CTSS: variants seen among roughly 807,000 people sequenced by gnomAD.
The protein encoded by CTSS is cathepsin S.
A neutral mutation model predicts 39.9 loss-of-function variants in CTSS; 15 were observed. The ratio of observed to expected loss-of-function variants is 0.38; its 90% CI spans 0.25 to 0.58. CTSS has a LOEUF of 0.58. Among genes scored for constraint, CTSS ranks in the 20% least tolerant of loss-of-function variants. CTSS has a pLI of 0.70. For missense variants in CTSS, 250 were observed against 398.2 expected (o/e 0.63, Z 3.17); for synonymous variants, 126 against 138.2 (o/e 0.91, Z 0.62).
At chr1:150,733,996 A>C (rs1287558114) in intron 7 of CTSS, among the ~76,000 whole-genome samples, 1 of 151,856 alleles carries the variant, frequency 6.6e-6, no homozygotes, top group Non-Finnish European at 1.5e-5. Flanking sequence ...ATAGATATAC[A>C]GTTATCAATT....
At chr1:150,762,263 T>C (rs190051277) in intron 2 of CTSS, among the ~76,000 whole-genome samples, 1 of 152,262 alleles carries the variant, frequency 6.6e-6, no homozygotes, top group East Asian at 1.9e-4. Flanking sequence ...TCACCCCATA[T>C]ACAATAATCA....
intron 7 of CTSS, among the ~76,000 whole-genome samples, chr1:150,747,569 T>C (rs1652915387): frequency 6.6e-6 from 1 of 152,038 alleles, no homozygotes; most frequent in African/African-American, 2.4e-5. Flanking sequence ...GTACAGAAGA[T>C]AAACCAGGAA....
At chr1:150,762,453 C>T (rs933128581) in intron 2 of CTSS, among the ~76,000 whole-genome samples, 6 of 151,878 alleles carry the variant, frequency 4.0e-5, no homozygotes, top group Non-Finnish European at 5.9e-5. Flanking sequence ...AAAAAGCTTT[C>T]GTACAATAAA....
At chr1:150,744,828 C>T (rs1257065299) in intron 7 of CTSS, among the ~76,000 whole-genome samples, 1 of 150,746 alleles carries the variant, frequency 6.6e-6, no homozygotes, top group Non-Finnish European at 1.5e-5. Context: ...ATTGTAGATG[C>T]CTAGTAAGTG....
chr1:150,745,450 C>G (rs1652874612), intron 7 of CTSS, among the ~76,000 whole-genome samples: 1 of 152,026 alleles, frequency 6.6e-6, no homozygotes, highest in East Asian at 1.9e-4. Flanking sequence ...CACTTGATCC[C>G]AGGAGTTTGA....
At chr1:150,761,534 C>G (rs1653263584) in intron 2 of CTSS, among the ~76,000 whole-genome samples, 1 of 151,714 alleles carries the variant, frequency 6.6e-6, no homozygotes, top group Admixed American at 6.6e-5. Flanking sequence ...GAGTTTGAGA[C>G]CAGCCTGACC....
rs180727719 is a variant in CTSS, at chr1:150,731,721, G to C, written c.*1325C>G. On this transcript the variant is annotated 3_prime_UTR_variant, in exon 8 of 8. Coordinates refer to ENST00000368985, the MANE Select transcript of CTSS (RefSeq NM_004079.5). The stretch of plus-strand genomic sequence containing the variant: ...TCTGAATTAGATAAAAATATGAGCA[G>C]TGGAGTATTGGTTATTTTATTCTGG... 2.6e-5 allele frequency: 4 copies of C among 152,284 alleles called. No homozygotes were observed. In the East Asian group the frequency reaches 7.7e-4, roughly 29 times the overall value. The allele number at this position is 152,284 out of a possible 1,614,324, so 9.4% of individuals were successfully genotyped here. A position where few individuals can be genotyped will look rare whatever the true frequency, so the allele number is the denominator to read the frequency against.
At chr1:150,746,946 G>A (rs1652906488) in intron 7 of CTSS, among the ~76,000 whole-genome samples, 1 of 152,124 alleles carries the variant, frequency 6.6e-6, no homozygotes, top group Non-Finnish European at 1.5e-5. Flanking sequence ...TCATATTTTA[G>A]ACAAATAAGT....
chr1:150,752,406 T>C (rs1653026315), intron 4 of CTSS, among the ~76,000 whole-genome samples: 1 of 152,208 alleles, frequency 6.6e-6, no homozygotes, highest in African/African-American at 2.4e-5. Flanking sequence ...TCTCCTGTCA[T>C]ATGATGCCTG....
intron 7 of CTSS, among the ~76,000 whole-genome samples, chr1:150,746,242 C>CAAAG (rs1652893243): frequency 1.3e-5 from 2 of 152,166 alleles, no homozygotes; most frequent in African/African-American, 4.8e-5. Context: ...GTCATTTAAG[C>CAAAG]TGCTCAGTTC....
intron 7 of CTSS, among the ~76,000 whole-genome samples, chr1:150,741,818 T>C (rs1652762546): frequency 6.7e-6 from 1 of 149,474 alleles, no homozygotes; most frequent in African/African-American, 2.5e-5. Context: ...GAGGTTGCAG[T>C]GAGCCGAGAT....
chr1:150,762,518 A>G (rs1380760308), intron 2 of CTSS, among the ~76,000 whole-genome samples: 1 of 152,218 alleles, frequency 6.6e-6, no homozygotes, highest in African/African-American at 2.4e-5. Flanking sequence ...AAATATTTGC[A>G]AATCATACAT....
intron 4 of CTSS, among the ~76,000 whole-genome samples, chr1:150,754,050 T>C (rs1305628640): frequency 6.6e-6 from 1 of 152,058 alleles, no homozygotes; most frequent in Non-Finnish European, 1.5e-5. Context: ...AGTCAAGAAT[T>C]TTCAAGTTCC....
chr1:150,762,070 A>G (rs1315262911), intron 2 of CTSS, among the ~76,000 whole-genome samples: 4 of 152,264 alleles, frequency 2.6e-5, no homozygotes, highest in Admixed American at 2.0e-4. Flanking sequence ...GTACTGGCAT[A>G]GAAACAGACA....
chr1:150,760,805 C>T (rs796986991), intron 2 of CTSS, among the ~76,000 whole-genome samples: 4 of 151,388 alleles, frequency 2.6e-5, no homozygotes, highest in Middle Eastern at 3.4e-3. Flanking sequence ...ATCACTTGAG[C>T]TGGAGTTTGA....
In CTSS at chr1:150,738,832, A is replaced by ATC. The variant is rs944293164; in HGVS notation, c.897-5689_897-5688dup. Among the ~76,000 whole-genome samples, 139 of 151,608 alleles carry ATC rather than the reference A, an allele frequency of 9.2e-4. 1 individual carries two copies. Among genetic ancestry groups the ATC allele is most frequent in the African/African-American group, 3.3e-3 (136 of 41,324 alleles). On this transcript the variant is annotated intron_variant, in intron 7 of 7. Coordinates refer to ENST00000368985, the MANE Select transcript of CTSS (RefSeq NM_004079.5). ...TGCTCCACTAACTGACACTTCCCCCATCTCTCTCTCTCTCCTCTGGCCTCC... is the reference window on the plus strand; with the variant it reads ...TGCTCCACTAACTGACACTTCCCCCATCTCTCTCTCTCTCTCCTCTGGCCTCC...
chr1:150,746,637 G>C (rs2101916622), intron 7 of CTSS, among the ~76,000 whole-genome samples: 1 of 152,282 alleles, frequency 6.6e-6, no homozygotes, highest in East Asian at 1.9e-4. Context: ...TTCTGGAATA[G>C]ATTGTGCCTG....
chr1:150,750,033 G>A lies in CTSS; in HGVS notation c.766C>T (p.His256Tyr), dbSNP rs1350958032. The change falls in exon 6 of 8, where the codon CAT becomes TAT. Residue 256 changes from histidine (H) to tyrosine (Y), a missense_variant. By Grantham distance (83) the His-to-Tyr change is moderately conservative. Coordinates refer to ENST00000368985, the MANE Select transcript of CTSS (RefSeq NM_004079.5). ...CTTCTGTAGAGGAAGAAAGAAGGAT[G>A]ACGCGCATCTACACCAACAGACACT... ...GPVSVGVDARHPSFFLYRSGV... is the reference protein window; with the variant it reads ...GPVSVGVDARYPSFFLYRSGV... 6.2e-7 allele frequency: 1 copy of A among 1,607,154 alleles called. No individual in the cohort carries two copies. Among genetic ancestry groups the A allele is most frequent in the Admixed American group, 1.7e-5 (1 of 59,338 alleles).
chr1:150,761,735 A>G (rs587715036), intron 2 of CTSS, among the ~76,000 whole-genome samples: 138 of 152,094 alleles, frequency 9.1e-4, no homozygotes, highest in African/African-American at 3.2e-3. Context: ...CCATCTCAAA[A>G]AAACAAGAAA....
Sources: gnomAD v4.1 joint callset for allele counts (sites outside exome capture counted in the v4.1 genomes callset) on GRCh38, gnomAD v4.1.1 for gene constraint, MANE v1.5 for transcripts, NCBI Gene and HGNC (gene_info 2026-07-23, HGNC 2026-07-21) for gene names.